CFAP299: variants seen among roughly 807,000 people sequenced by gnomAD.
CFAP299 encodes cilia and flagella associated protein 299.
In CFAP299, 21 loss-of-function variants were observed where a neutral mutation model predicts 27.0. The ratio of observed to expected loss-of-function variants is 0.78; its 90% CI spans 0.55 to 1.12. CFAP299 has a LOEUF of 1.12. Among genes scored for constraint, CFAP299 ranks in the 50% most tolerant of loss-of-function variants. The pLI is 0.00. For synonymous variants in CFAP299, 104 were observed against 98.1 expected (o/e 1.06, Z -0.36); for missense variants, 310 against 276.6 (o/e 1.12, Z -0.86).
At chr4:80,634,445 C>T (rs978686612) in intron 3 of CFAP299, among the ~76,000 whole-genome samples, 38 of 149,480 alleles carry the variant, frequency 2.5e-4, no homozygotes, top group African/African-American at 8.7e-4. Context: ...CAGTATTTAC[C>T]TCAGAGTGTC....
chr4:80,849,069 AT>A (rs1245878342), intron 3 of CFAP299, among the ~76,000 whole-genome samples: 1 of 152,168 alleles, frequency 6.6e-6, no homozygotes, highest in Non-Finnish European at 1.5e-5. Flanking sequence ...AATTTTTAAA[AT>A]TTTTTGACTC....
intron 3 of CFAP299, among the ~76,000 whole-genome samples, chr4:80,697,191 A>G (rs907748753): frequency 2.0e-5 from 3 of 149,264 alleles, no homozygotes; most frequent in Non-Finnish European, 4.4e-5. Context: ...AAAAATTTGA[A>G]AAAAAAAATT....
chr4:80,400,665 T>A (rs1726105976), intron 2 of CFAP299, among the ~76,000 whole-genome samples: 1 of 152,200 alleles, frequency 6.6e-6, no homozygotes, highest in Admixed American at 6.6e-5. Context: ...CTCAGGTATG[T>A]CTCTATTAAC....
At chr4:80,518,296 A>G (rs1010584274) in intron 2 of CFAP299, among the ~76,000 whole-genome samples, 6 of 152,166 alleles carry the variant, frequency 3.9e-5, no homozygotes, top group African/African-American at 1.4e-4. Flanking sequence ...GATAGAGTGG[A>G]TAGCCAGAGC....
chr4:80,814,712 T>C (rs1378506862), intron 3 of CFAP299, among the ~76,000 whole-genome samples: 2 of 151,862 alleles, frequency 1.3e-5, no homozygotes, highest in Admixed American at 1.3e-4. Flanking sequence ...TAAAAATCTT[T>C]ATGTCTTAAA....
rs1378590630 is a variant in CFAP299 at position 80,569,523 on chromosome 4, A to G, written c.243-13570A>G. On this transcript the variant is annotated intron_variant, in intron 2 of 5. Transcript: ENST00000358105. ...GTTTGGTTTGTAATTCACAACAAAG[A>G]TAAAATGACTAATGAGGAAATTAAA... Among the ~76,000 whole-genome samples, 5 of 152,054 alleles carry G rather than the reference A, an allele frequency of 3.3e-5. No individual in the cohort carries two copies. In the South Asian group the frequency reaches 1.0e-3, roughly 31 times the overall value.
chr4:80,466,659 T>G (rs2110111390), intron 2 of CFAP299, among the ~76,000 whole-genome samples: 1 of 152,326 alleles, frequency 6.6e-6, no homozygotes, highest in Non-Finnish European at 1.5e-5. Context: ...AACTTTAGCC[T>G]ACTCCAAACC....
chr4:80,902,683 A>C (rs542926679), intron 4 of CFAP299, among the ~76,000 whole-genome samples: 211 of 151,064 alleles, frequency 1.4e-3, no homozygotes, highest in African/African-American at 4.8e-3. Flanking sequence ...TAAAGAAGAG[A>C]TAGTTGGTTT....
chr4:80,709,764 G>C (rs1414333019), intron 3 of CFAP299, among the ~76,000 whole-genome samples: 2 of 152,156 alleles, frequency 1.3e-5, no homozygotes, highest in African/African-American at 2.4e-5. Flanking sequence ...CAAAAACCTG[G>C]GGACGTTACT....
intron 3 of CFAP299, among the ~76,000 whole-genome samples, chr4:80,742,828 A>G (rs1227080688): frequency 3.3e-5 from 5 of 152,224 alleles, no homozygotes; most frequent in African/African-American, 9.6e-5. Flanking sequence ...TTCAGTTGAC[A>G]TGTAGACACC....
intron 2 of CFAP299, among the ~76,000 whole-genome samples, chr4:80,561,066 C>A (rs1033378239): frequency 3.3e-5 from 5 of 152,106 alleles, no homozygotes; most frequent in Non-Finnish European, 5.9e-5. Flanking sequence ...GTGGTGGTCA[C>A]AGGGGTGTTT....
rs1021578230 is a variant in CFAP299 at position 80,961,644 on chromosome 4, A to G, written c.607-1873A>G. On this transcript the variant is annotated intron_variant, in intron 5 of 5. Coordinates refer to ENST00000358105, the MANE Select transcript of CFAP299 (RefSeq NM_152770.3). Reference sequence around the variant, plus strand: ...ATAAAGGTCTTTCTAAATTATAAGCATCTAGACACACAGACACAAGACTGC... The same window carrying G: ...ATAAAGGTCTTTCTAAATTATAAGCGTCTAGACACACAGACACAAGACTGC... Among the ~76,000 whole-genome samples, 4 of 151,994 alleles carry G rather than the reference A, an allele frequency of 2.6e-5. No homozygotes were observed. The Middle Eastern group carries it at 0.01, about 388-fold the overall frequency.
chr4:80,823,291 G>T (rs1245261693), intron 3 of CFAP299, among the ~76,000 whole-genome samples: 1 of 151,992 alleles, frequency 6.6e-6, no homozygotes, highest in Non-Finnish European at 1.5e-5. Context: ...CTCCCTCTTT[G>T]CTCCAACAGA....
chr4:80,329,633 G>A, the CFAP299 span, among the ~76,000 whole-genome samples: 8 of 152,124 alleles, frequency 5.3e-5, no homozygotes, highest in Non-Finnish European at 8.8e-5. Context: ...AGTTGAATTA[G>A]CTCTTAATGG....
chr4:80,350,472 G>C (rs1013408948), intron 1 of CFAP299, among the ~76,000 whole-genome samples: 1 of 152,062 alleles, frequency 6.6e-6, no homozygotes, highest in African/African-American at 2.4e-5. Flanking sequence ...CTACTATAAA[G>C]ACACATGCAC....
At chr4:80,781,365 G>A (rs968516022) in intron 3 of CFAP299, among the ~76,000 whole-genome samples, 3 of 152,052 alleles carry the variant, frequency 2.0e-5, no homozygotes, top group Admixed American at 6.6e-5. Context: ...TTTCAAATAA[G>A]AGAGGTGTAT....
At chr4:80,776,084 C>T (rs572246469) in intron 3 of CFAP299, among the ~76,000 whole-genome samples, 2 of 152,010 alleles carry the variant, frequency 1.3e-5, no homozygotes, top group South Asian at 4.2e-4. Context: ...AACACCATGG[C>T]AATAATTAAA....
chr4:80,552,282 A>C (rs968418013), intron 2 of CFAP299, among the ~76,000 whole-genome samples: 2 of 152,146 alleles, frequency 1.3e-5, no homozygotes, highest in African/African-American at 2.4e-5. Flanking sequence ...ACCATATATG[A>C]TTTCTTATGT....
intron 2 of CFAP299, among the ~76,000 whole-genome samples, chr4:80,563,902 T>A (rs182062497): frequency 6.6e-6 from 1 of 152,108 alleles, no homozygotes; most frequent in East Asian, 1.9e-4. Flanking sequence ...AGATCATTAG[T>A]GGCTACCATG....
Sources: allele counts gnomAD v4.1 joint callset (sites outside exome capture counted in the v4.1 genomes callset), GRCh38; gene constraint gnomAD v4.1.1; transcripts MANE v1.5; gene names NCBI Gene and HGNC (gene_info 2026-07-23, HGNC 2026-07-21).